The following SRGAP1 variants were observed in gnomAD, a reference collection of about 807,000 sequenced individuals.
SRGAP1 encodes the protein SLIT-ROBO Rho GTPase activating protein 1.
SRGAP1 carries 43 observed loss-of-function variants against 121.9 expected under a neutral mutation model. The observed-to-expected ratio is 0.35, with a 90% confidence interval of 0.28 to 0.46. The LOEUF is 0.46. Ranked by LOEUF, SRGAP1 falls within the 20% of genes least tolerant of loss-of-function variation. The probability of loss-of-function intolerance (pLI) is 1.00; values close to 1 mark genes in which losing one functional copy is unlikely to be tolerated. For missense variants in SRGAP1, 1,102 were observed against 1,350.9 expected, an observed-to-expected ratio of 0.82 and a Z score of 2.89; for synonymous variants, 447 against 485.4, an observed-to-expected ratio of 0.92 and a Z score of 1.04.
At chr12:64,080,506 G>A in intron 10 of SRGAP1, 136 bp downstream of exon 10, 1 of 808,858 alleles carries the variant, frequency 1.2e-6, no homozygotes, top group Non-Finnish European at 2.1e-6. Flanking sequence ...GGTTTTGTTT[G>A]TATATGTCAT....
intron 3 of SRGAP1, among the ~76,000 whole-genome samples, chr12:64,011,959 G>A (rs1381646929): frequency 6.6e-6 from 1 of 152,064 alleles, no homozygotes; most frequent in African/African-American, 2.4e-5. Context: ...AATTAGCTGG[G>A]CATGGTGGTG....
At chr12:63,895,499 A>G (rs1900724104) in intron 1 of SRGAP1, among the ~76,000 whole-genome samples, 2 of 152,240 alleles carry the variant, frequency 1.3e-5, no homozygotes, top group African/African-American at 2.4e-5. Context: ...CATTGCCATC[A>G]TCATAGAAAT....
chr12:63,905,723 G>A (rs1049989675), intron 1 of SRGAP1, among the ~76,000 whole-genome samples: 14 of 152,212 alleles, frequency 9.2e-5, no homozygotes, highest in African/African-American at 2.9e-4. Flanking sequence ...GTAGCCTGGG[G>A]CCATTTAATG....
intron 7 of SRGAP1, among the ~76,000 whole-genome samples, chr12:64,064,453 C>T (rs548060132): frequency 3.9e-5 from 6 of 152,250 alleles, no homozygotes; most frequent in South Asian, 2.1e-4. Context: ...TGGTGAATCA[C>T]GTGACTTGGC....
intron 2 of SRGAP1, 149 bp from the exon 3 acceptor site, chr12:63,989,761 A>G (rs574361108): frequency 3.2e-5 from 19 of 587,334 alleles, no homozygotes; most frequent in Non-Finnish European, 1.2e-5. Flanking sequence ...CTGCTGGCTG[A>G]TAAGTGTCCT....
chr12:64,087,113 T>A, intron 11 of SRGAP1, 87 bp downstream of exon 11: 1 of 1,047,452 alleles, frequency 9.5e-7, no homozygotes, highest in Non-Finnish European at 1.4e-6. Flanking sequence ...AGAATTAACA[T>A]TTTGTTAATG....
intron 8 of SRGAP1, among the ~76,000 whole-genome samples, chr12:64,066,130 C>T (rs1335829289): frequency 6.6e-6 from 1 of 152,224 alleles, no homozygotes; most frequent in East Asian, 1.9e-4. Context: ...TCAGACATCA[C>T]TGGATTTGTG....
intron 21 of SRGAP1, among the ~76,000 whole-genome samples, chr12:64,140,296 G>T (rs1233042905): frequency 4.1e-5 from 6 of 147,178 alleles, no homozygotes; most frequent in African/African-American, 2.6e-5. Flanking sequence ...TTGGTAGCTT[G>T]ATGGGGATGG....
intron 16 of SRGAP1, among the ~76,000 whole-genome samples, chr12:64,110,237 C>T (rs1332489880): frequency 2.6e-5 from 4 of 152,170 alleles, no homozygotes; most frequent in Non-Finnish European, 5.9e-5. Flanking sequence ...CCCCTCCATA[C>T]CATTCCTACC....
chr12:64,088,826 G>A (rs1161996107), intron 11 of SRGAP1, among the ~76,000 whole-genome samples: 3 of 152,182 alleles, frequency 2.0e-5, no homozygotes, highest in Non-Finnish European at 4.4e-5. Flanking sequence ...GCGTCTCCCA[G>A]TCATGCGGGG....
chr12:63,853,204 A>G (rs906072223), intron 1 of SRGAP1, among the ~76,000 whole-genome samples: 9 of 151,782 alleles, frequency 5.9e-5, no homozygotes, highest in Admixed American at 5.3e-4. Context: ...TATTTTTAGG[A>G]GACACGGGGT....
intron 1 of SRGAP1, among the ~76,000 whole-genome samples, chr12:63,948,852 C>G (rs1440709294): frequency 8.3e-6 from 1 of 120,866 alleles, no homozygotes; most frequent in Non-Finnish European, 1.7e-5. Flanking sequence ...TATATATTTT[C>G]CATATATATA....
At chr12:64,036,841 C>T (rs2034915135) in intron 4 of SRGAP1, among the ~76,000 whole-genome samples, 1 of 152,130 alleles carries the variant, frequency 6.6e-6, no homozygotes, top group South Asian at 2.1e-4. Flanking sequence ...TCATTTGATT[C>T]TCACCTATTT....
At chr12:63,942,293 G>A (rs527627499) in intron 1 of SRGAP1, among the ~76,000 whole-genome samples, 1 of 152,216 alleles carries the variant, frequency 6.6e-6, no homozygotes, top group Admixed American at 6.5e-5. Context: ...ACTATACACA[G>A]TAATACTTAT....
chr12:63,920,743 G>A (rs900988787), intron 1 of SRGAP1, among the ~76,000 whole-genome samples: 1 of 152,124 alleles, frequency 6.6e-6, no homozygotes, highest in Admixed American at 6.5e-5. Flanking sequence ...AGGCTGGTGA[G>A]TGAGACCTGT....
intron 1 of SRGAP1, among the ~76,000 whole-genome samples, chr12:63,913,194 C>CTTTTTTT (rs759566545): frequency 2.0e-4 from 12 of 59,048 alleles, no homozygotes; most frequent in Non-Finnish European, 2.7e-4. Context: ...GTAAATCCTT[C>CTTTTTTT]TTTTTTTTTT....
intron 3 of SRGAP1, among the ~76,000 whole-genome samples, chr12:64,014,013 G>A (rs2034329980): frequency 6.6e-6 from 1 of 152,186 alleles, no homozygotes; most frequent in Non-Finnish European, 1.5e-5. Context: ...TTGCCATAAC[G>A]AATAGTGTCT....
chr12:64,068,477 A>AT (rs2035581496), intron 8 of SRGAP1, among the ~76,000 whole-genome samples: 2 of 150,402 alleles, frequency 1.3e-5, no homozygotes, highest in South Asian at 2.1e-4. Context: ...TGGGACTACA[A>AT]GTGTTAACCA....
intron 18 of SRGAP1, among the ~76,000 whole-genome samples, chr12:64,124,482 T>C (rs2036656385): frequency 6.6e-6 from 1 of 152,264 alleles, no homozygotes; most frequent in African/African-American, 2.4e-5. Flanking sequence ...GTTCATTGCA[T>C]AGGCATATTC....
Sources: allele counts gnomAD v4.1 joint callset (sites outside exome capture counted in the v4.1 genomes callset), GRCh38; gene constraint gnomAD v4.1.1; transcripts MANE v1.5; gene names NCBI Gene and HGNC (gene_info 2026-07-23, HGNC 2026-07-21).